SUGCT: variants seen among roughly 807,000 people sequenced by gnomAD.
SUGCT encodes succinyl-CoA:glutarate-CoA transferase.
A neutral mutation model predicts 55.0 loss-of-function variants in SUGCT; 41 were observed. The observed-to-expected ratio is 0.74, with a 90% CI of 0.58 to 0.97. The LOEUF is 0.97. Among genes scored for constraint, SUGCT ranks in the 50% least tolerant of loss-of-function variants. The pLI is 0.00. For missense variants in SUGCT, 568 were observed against 547.8 expected, an observed-to-expected ratio of 1.04 and a Z score of -0.37; for synonymous variants, 187 against 200.4, an observed-to-expected ratio of 0.93 and a Z score of 0.56.
rs150011061 is a variant in SUGCT at position 40,811,718 on chromosome 7, G to A, written c.1154-48598G>A. The stretch of plus-strand genomic sequence containing the variant: ...TAGAATCATACCGTCCTTAAAGAGA[G>A]ATAGTTTGACTACTTTTCTTATTTG... On this transcript the variant is annotated intron_variant, in intron 13 of 13. Coordinates refer to ENST00000335693, the MANE Select transcript of SUGCT (RefSeq NM_001193313.2). 3.2e-3 allele frequency among the ~76,000 whole-genome samples: 492 copies of A among 152,148 alleles called. 1 individual carries two copies. Among genetic ancestry groups the A allele is most frequent in the Middle Eastern group, 0.01 (3 of 294 alleles).
At chr7:40,626,918 G>A (rs922043526) in intron 12 of SUGCT, among the ~76,000 whole-genome samples, 5 of 152,272 alleles carry the variant, frequency 3.3e-5, no homozygotes, top group Middle Eastern at 3.4e-3. Context: ...CATATTTACC[G>A]AGTATTTGTT....
intron 12 of SUGCT, among the ~76,000 whole-genome samples, chr7:40,747,019 C>T (rs1001789561): frequency 2.0e-5 from 3 of 152,168 alleles, no homozygotes; most frequent in East Asian, 1.9e-4. Context: ...TAGCACCTCC[C>T]GTTGGCATTT....
the SUGCT span, among the ~76,000 whole-genome samples, chr7:40,946,389 T>C: frequency 6.6e-6 from 1 of 152,106 alleles, no homozygotes; most frequent in Non-Finnish European, 1.5e-5. Context: ...CAAGCTGTGG[T>C]TCCAGTGGGG....
At chr7:40,419,027 TTAAA>T (rs554939679) in intron 9 of SUGCT, among the ~76,000 whole-genome samples, 6 of 152,188 alleles carry the variant, frequency 3.9e-5, no homozygotes, top group Non-Finnish European at 8.8e-5. Context: ...TGTGATGGCA[TTAAA>T]TATAGCTTTA....
chr7:40,791,823 T>C (rs1294134867), intron 13 of SUGCT, among the ~76,000 whole-genome samples: 2 of 152,194 alleles, frequency 1.3e-5, no homozygotes, highest in East Asian at 3.9e-4. Context: ...CTTATAAACA[T>C]GTTACTTAAG....
the SUGCT span, among the ~76,000 whole-genome samples, chr7:41,008,879 TG>T: frequency 2.0e-5 from 3 of 152,062 alleles, no homozygotes; most frequent in Admixed American, 2.0e-4. Context: ...CCCGAAGGGA[TG>T]GTATCTGGTC....
At chr7:41,003,006 T>C in the SUGCT span, among the ~76,000 whole-genome samples, 1 of 152,096 alleles carries the variant, frequency 6.6e-6, no homozygotes, top group Non-Finnish European at 1.5e-5. Context: ...TCATAAATAC[T>C]GCTATTTATG....
intron 1 of SUGCT, chr7:40,153,875 G>GA: frequency 5.4e-6 from 2 of 367,478 alleles, no homozygotes. Context: ...TTGCCATTTG[G>GA]AAAAAAGATG....
At chr7:40,993,198 A>G in the SUGCT span, among the ~76,000 whole-genome samples, 28 of 152,136 alleles carry the variant, frequency 1.8e-4, no homozygotes, top group African/African-American at 6.5e-4. Flanking sequence ...ATCACAAATG[A>G]GGGCAGACCT....
At chr7:40,465,707 G>A (rs1352734634) in intron 11 of SUGCT, among the ~76,000 whole-genome samples, 1 of 151,976 alleles carries the variant, frequency 6.6e-6, no homozygotes, top group Non-Finnish European at 1.5e-5. Context: ...ACAAAATACT[G>A]GAGAATTGGA....
intron 13 of SUGCT, among the ~76,000 whole-genome samples, chr7:40,777,303 A>G (rs1399057153): frequency 6.6e-6 from 1 of 152,154 alleles, no homozygotes; most frequent in African/African-American, 2.4e-5. Context: ...TGATGGAGGT[A>G]TGCATCAGAC....
At chr7:40,957,461 T>G in the SUGCT span, among the ~76,000 whole-genome samples, 1 of 146,750 alleles carries the variant, frequency 6.8e-6, no homozygotes, top group South Asian at 2.2e-4. Flanking sequence ...TTTTTTTTTT[T>G]TTTTTTTTTT....
intron 7 of SUGCT, among the ~76,000 whole-genome samples, chr7:40,249,321 A>ATATATATCTATATCTATC (rs1562612028): frequency 9.1e-6 from 1 of 109,466 alleles, no homozygotes; most frequent in Non-Finnish European, 1.8e-5. Context: ...AGCTATATAT[A>ATATATATCTATATCTATC]TATATATATA....
At position 40,451,227 on chromosome 7, in the gene SUGCT, A is replaced by G. The variant is rs575451983; in HGVS notation, c.888+1869A>G. On this transcript the variant is annotated intron_variant, in intron 10 of 13. Transcript: ENST00000335693. Reference sequence around the variant, plus strand: ...ATATGTTTTGGAGTTTTCTTTCTCCAGAAAGTCGTGGGGTTGGGGGTGGGA... The same window carrying G: ...ATATGTTTTGGAGTTTTCTTTCTCCGGAAAGTCGTGGGGTTGGGGGTGGGA... Among the ~76,000 whole-genome samples, 4 of 152,260 alleles carry G rather than the reference A, an allele frequency of 2.6e-5. No individual in the cohort carries two copies. The South Asian group carries it at 8.3e-4, about 32-fold the overall frequency.
intron 13 of SUGCT, among the ~76,000 whole-genome samples, chr7:40,836,382 C>T (rs1792976167): frequency 6.6e-6 from 1 of 152,164 alleles, no homozygotes; most frequent in Non-Finnish European, 1.5e-5. Context: ...TCAGTGGTAA[C>T]ACCTTGCGTA....
chr7:40,264,835 G>A (rs1375856792), intron 7 of SUGCT, among the ~76,000 whole-genome samples: 1 of 152,016 alleles, frequency 6.6e-6, no homozygotes, highest in Non-Finnish European at 1.5e-5. Flanking sequence ...TTCTCATCTC[G>A]TCTCTCTGCC....
At chr7:40,610,397 C>G (rs183261313) in intron 12 of SUGCT, among the ~76,000 whole-genome samples, 3 of 152,256 alleles carry the variant, frequency 2.0e-5, no homozygotes, top group African/African-American at 7.2e-5. Context: ...ATTATATTAA[C>G]TTTGTGATAT....
the SUGCT span, among the ~76,000 whole-genome samples, chr7:40,981,486 A>T: frequency 6.6e-5 from 10 of 152,172 alleles, no homozygotes; most frequent in Non-Finnish European, 1.5e-4. Flanking sequence ...TTGATCATCC[A>T]TACTCTTAGT....
intron 3 of SUGCT, among the ~76,000 whole-genome samples, chr7:40,182,539 G>A (rs2150712188): frequency 6.9e-6 from 1 of 145,974 alleles, no homozygotes; most frequent in Non-Finnish European, 1.5e-5. Context: ...TCCAGCCTAG[G>A]CAACAGAGCA....
Sources: allele counts gnomAD v4.1 joint callset (sites outside exome capture counted in the v4.1 genomes callset), GRCh38; gene constraint gnomAD v4.1.1; transcripts MANE v1.5; gene names NCBI Gene and HGNC (gene_info 2026-07-23, HGNC 2026-07-21).